DAB1: variants seen among roughly 807,000 people sequenced by gnomAD.
The protein encoded by DAB1 is DAB adaptor protein 1, also known as disabled homolog 1.
DAB1 carries 15 observed loss-of-function variants against 64.6 expected under a neutral mutation model. The ratio of observed to expected loss-of-function variants is 0.23; its 90% CI spans 0.16 to 0.36. DAB1 has a LOEUF of 0.36. Ranked by LOEUF, DAB1 falls within the 10% of genes least tolerant of loss-of-function variation. The pLI is 1.00. For missense variants in DAB1, 596 were observed against 706.7 expected, an observed-to-expected ratio of 0.84 and a Z score of 1.78; for synonymous variants, 235 against 251.9, an observed-to-expected ratio of 0.93 and a Z score of 0.64.
At chr1:58,048,976 CT>C in intron 5 of DAB1, 2 of 828,716 alleles carry the variant, frequency 2.4e-6, no homozygotes, top group Non-Finnish European at 4.2e-6. Context: ...CAACAAATAC[CT>C]TTTTCACAGT....
intron 7 of DAB1, among the ~76,000 whole-genome samples, chr1:57,649,271 A>C (rs1250017955): frequency 6.6e-6 from 1 of 152,202 alleles, no homozygotes; most frequent in African/African-American, 2.4e-5. Context: ...AAATCAAGCC[A>C]ATCTGAGATG....
intron 7 of DAB1, among the ~76,000 whole-genome samples, chr1:57,648,850 TG>T (rs1646224124): frequency 6.6e-6 from 1 of 152,232 alleles, no homozygotes. Flanking sequence ...AGCAATGCTC[TG>T]TTCATCCTAA....
rs148600244 is a variant in DAB1 at position 58,244,528 on chromosome 1, C to T, written n.310-93940G>A. ...TAAAAGAGTTGGACAAAAGCTTTTGCAAGTTCAAGCTCTATTATGTCACTT... is the reference window on the plus strand; with the variant it reads ...TAAAAGAGTTGGACAAAAGCTTTTGTAAGTTCAAGCTCTATTATGTCACTT... On this transcript the variant is annotated intron_variant and non_coding_transcript_variant, in intron 4 of 20. Transcript: ENST00000485760. Among the ~76,000 whole-genome samples the T allele has an allele frequency of 2.6e-4, 39 of 152,288 alleles. No homozygotes were observed. In the East Asian group the frequency reaches 7.0e-3, roughly 27 times the overall value.
chr1:57,617,003 C>T (rs1409189141), intron 7 of DAB1, among the ~76,000 whole-genome samples: 2 of 152,194 alleles, frequency 1.3e-5, no homozygotes, highest in South Asian at 2.1e-4. Context: ...TCAGATTTCT[C>T]ACCTGTAAAT....
At chr1:57,911,574 A>T (rs542452516) in intron 5 of DAB1, among the ~76,000 whole-genome samples, 3 of 152,132 alleles carry the variant, frequency 2.0e-5, no homozygotes, top group Admixed American at 2.0e-4. Context: ...GCCAAGTGGC[A>T]CCCCATCGGA....
chr1:57,983,446 A>G (rs1223340335), intron 5 of DAB1, among the ~76,000 whole-genome samples: 1 of 152,172 alleles, frequency 6.6e-6, no homozygotes, highest in African/African-American at 2.4e-5. Flanking sequence ...GCGGCCAATG[A>G]GCTCACTGGG....
intron 7 of DAB1, among the ~76,000 whole-genome samples, chr1:57,522,673 T>C (rs1558458745): frequency 6.6e-6 from 1 of 152,158 alleles, no homozygotes; most frequent in Non-Finnish European, 1.5e-5. Context: ...GATTGAAGGA[T>C]GCAAAGTATT....
chr1:57,860,522 G>A (rs764742), intron 1 of DAB1: 13,355 of 152,238 alleles, frequency 0.088, 806 homozygotes, highest in Non-Finnish European at 0.13. Flanking sequence ...GATGGCTCCC[G>A]CTGGTTGCTA....
At chr1:57,439,190 G>A (rs934147802) in intron 7 of DAB1, among the ~76,000 whole-genome samples, 64 of 152,140 alleles carry the variant, frequency 4.2e-4, no homozygotes, top group African/African-American at 1.5e-3. Flanking sequence ...GAAAGCAACA[G>A]CTTAGTCTCC....
At chr1:57,217,755 A>G (rs1666534433) in intron 2 of DAB1, among the ~76,000 whole-genome samples, 1 of 152,120 alleles carries the variant, frequency 6.6e-6, no homozygotes, top group Non-Finnish European at 1.5e-5. Context: ...ATTCAGGGAT[A>G]TCCACTGACC....
chr1:57,863,121 C>T (rs1450084191), intron 1 of DAB1: 2 of 152,112 alleles, frequency 1.3e-5, no homozygotes, highest in African/African-American at 4.8e-5. Context: ...ATACATTTGA[C>T]AATATGGATG....
chr1:58,039,446 C>T (rs926472119), intron 5 of DAB1, among the ~76,000 whole-genome samples: 1 of 152,234 alleles, frequency 6.6e-6, no homozygotes, highest in African/African-American at 2.4e-5. Flanking sequence ...TGTGCACCCC[C>T]ACAAGGCATG....
intron 2 of DAB1, among the ~76,000 whole-genome samples, chr1:57,178,298 T>C (rs155314): frequency 0.03 from 3,815 of 129,094 alleles, 157 homozygotes; most frequent in African/African-American, 0.14. Context: ...CCAAGATATA[T>C]GCAAAAAAAA....
chr1:57,640,916 T>C (rs1175426937), intron 7 of DAB1, among the ~76,000 whole-genome samples: 3 of 152,176 alleles, frequency 2.0e-5, no homozygotes, highest in Non-Finnish European at 2.9e-5. Flanking sequence ...GAAGGAGACA[T>C]GCTTGGCTTA....
intron 7 of DAB1, among the ~76,000 whole-genome samples, chr1:57,518,073 A>G (rs892499692): frequency 1.3e-5 from 2 of 152,186 alleles, no homozygotes; most frequent in African/African-American, 2.4e-5. Context: ...ACTCCTTTAT[A>G]TCTTGATTCC....
At chr1:58,029,363 T>A (rs76665773) in intron 5 of DAB1, among the ~76,000 whole-genome samples, 1 of 152,156 alleles carries the variant, frequency 6.6e-6, no homozygotes, top group Admixed American at 6.5e-5. Flanking sequence ...GCTTCTGATG[T>A]CAAGTCCACT....
At chr1:58,024,324 T>C (rs558953145) in intron 5 of DAB1, among the ~76,000 whole-genome samples, 2 of 152,296 alleles carry the variant, frequency 1.3e-5, no homozygotes, top group Admixed American at 6.5e-5. Context: ...GCCTGAGTCA[T>C]CTACACTGTG....
intron 4 of DAB1, among the ~76,000 whole-genome samples, chr1:58,341,575 T>A (rs879795777): frequency 6.6e-6 from 1 of 152,230 alleles, no homozygotes. Context: ...AGTGGAATAC[T>A]CAGATGGGCT....
intron 3 of DAB1, among the ~76,000 whole-genome samples, chr1:58,489,920 T>C (rs1276117427): frequency 1.3e-5 from 2 of 152,104 alleles, no homozygotes; most frequent in Non-Finnish European, 2.9e-5. Flanking sequence ...AGAAAGGACA[T>C]CCACACCAAA....
Sources: allele counts gnomAD v4.1 joint callset (sites outside exome capture counted in the v4.1 genomes callset), GRCh38; gene constraint gnomAD v4.1.1; transcripts MANE v1.5; gene names NCBI Gene and HGNC (gene_info 2026-07-23, HGNC 2026-07-21).